SPA17: variants seen among roughly 807,000 people sequenced by gnomAD.
The protein encoded by SPA17 is sperm surface protein Sp17.
A neutral mutation model predicts 13.8 loss-of-function variants in SPA17; 7 were observed. The ratio of observed to expected loss-of-function variants is 0.51; its 90% CI spans 0.29 to 0.95. The LOEUF (loss-of-function observed/expected upper bound fraction) is 0.95. Among genes scored for constraint, SPA17 ranks in the 40% least tolerant of loss-of-function variants. The probability of loss-of-function intolerance (pLI) is 0.08; values close to 1 mark genes in which losing one functional copy is unlikely to be tolerated. For synonymous variants in SPA17, 61 were observed against 59.0 expected (o/e 1.03, Z -0.16); for missense variants, 170 against 179.3 (o/e 0.95, Z 0.30).
chr11:124,678,796 G>A (rs1028043663), intron 2 of SPA17, among the ~76,000 whole-genome samples: 1 of 151,964 alleles, frequency 6.6e-6, no homozygotes, highest in African/African-American at 2.4e-5. Flanking sequence ...TTGAACTCCT[G>A]AGCTCAAGCA....
chr11:124,683,943 GTAAC>G (rs1943552073), intron 3 of SPA17, among the ~76,000 whole-genome samples: 2 of 152,092 alleles, frequency 1.3e-5, no homozygotes, highest in African/African-American at 4.8e-5. Flanking sequence ...AATCAACAAA[GTAAC>G]TGATATCATT....
intron 1 of SPA17, chr11:124,675,028 G>A (rs367959907): frequency 2.0e-5 from 7 of 343,258 alleles, no homozygotes; most frequent in East Asian, 1.5e-4. Context: ...AAATGATTTG[G>A]CCTAGTGAAT....
chr11:124,694,489 A>G lies in SPA17; in HGVS notation c.*43A>G. ...CCAGGAAACATGAAAAATAATCCAAATCCATCAACCTTCTTATTAATGTCA... is the reference window on the plus strand; with the variant it reads ...CCAGGAAACATGAAAAATAATCCAAGTCCATCAACCTTCTTATTAATGTCA... On this transcript the variant is annotated 3_prime_UTR_variant, in exon 5 of 5. Transcript: ENST00000227135. 1 of 1,562,346 alleles carries G rather than the reference A, an allele frequency of 6.4e-7. No homozygotes were observed.
intron 3 of SPA17, among the ~76,000 whole-genome samples, chr11:124,682,099 T>C (rs1403381057): frequency 6.6e-6 from 1 of 152,144 alleles, no homozygotes; most frequent in East Asian, 1.9e-4. Context: ...AATTAAGCCC[T>C]AAACCAAAGG....
At chr11:124,684,014 G>C (rs559158970) in intron 3 of SPA17, among the ~76,000 whole-genome samples, 1 of 152,258 alleles carries the variant, frequency 6.6e-6, no homozygotes, top group South Asian at 2.1e-4. Flanking sequence ...ATCCCCACAT[G>C]TTGTGGGAGG....
chr11:124,676,076 C>T (rs1318230446), intron 2 of SPA17: 1 of 152,202 alleles, frequency 6.6e-6, no homozygotes. Flanking sequence ...AATTCCTTCA[C>T]TCCTATAAAT....
chr11:124,686,727 TA>T (rs111781758), intron 3 of SPA17, among the ~76,000 whole-genome samples: 30,649 of 151,774 alleles, frequency 0.2, 8,233 homozygotes, highest in African/African-American at 0.62. Flanking sequence ...GACAGAAATT[TA>T]AAAAAAACTG....
Position 124,695,561 on chromosome 11 carries a change from A to G in SPA17, c.*1115A>G, listed in dbSNP as rs1322942178. On this transcript the variant is annotated 3_prime_UTR_variant, in exon 5 of 5. Coordinates refer to ENST00000227135, the MANE Select transcript of SPA17 (RefSeq NM_017425.4). ...ACTGAGGGTTCATGTCTTAGACCAA[A>G]GGGTGCAGTTCTCTTCCCAATACAA... The G allele has an allele frequency of 6.6e-6, 1 of 152,216 alleles. No individual in the cohort carries two copies. The highest frequency in any genetic ancestry group is 1.5e-5 in the Non-Finnish European group (1 of 68,044). The allele number at this position is 152,216 out of a possible 1,614,324, so 9.4% of individuals were successfully genotyped here.
intron 3 of SPA17, among the ~76,000 whole-genome samples, chr11:124,689,706 G>A (rs1268734957): frequency 1.3e-5 from 2 of 151,684 alleles, no homozygotes; most frequent in African/African-American, 4.8e-5. Flanking sequence ...TGAGCCCACA[G>A]GTCAAGGCTG....
intron 4 of SPA17, among the ~76,000 whole-genome samples, chr11:124,692,538 C>G (rs1002862011): frequency 1.3e-5 from 2 of 152,060 alleles, no homozygotes; most frequent in Non-Finnish European, 2.9e-5. Flanking sequence ...CAAGATCACG[C>G]CACTGCACTC....
At chr11:124,674,516 C>T (rs1299483447) in intron 1 of SPA17, 1 of 152,322 alleles carries the variant, frequency 6.6e-6, no homozygotes, top group Non-Finnish European at 1.5e-5. Context: ...TCTTTTCATA[C>T]TCAGTAGTAG....
chr11:124,690,341 C>A (rs887576463), intron 3 of SPA17, among the ~76,000 whole-genome samples: 41 of 152,120 alleles, frequency 2.7e-4, no homozygotes, highest in African/African-American at 9.9e-4. Context: ...AGGCCATTAT[C>A]TTAAGTGAAA....
rs775824867 is a variant in SPA17, at chr11:124,675,360, G to C, written c.96G>C (p.Pro32=). Residue 32 remains proline, a synonymous_variant, in exon 2 of 5, where the codon CCG becomes CCC. Coordinates refer to ENST00000227135, the MANE Select transcript of SPA17 (RefSeq NM_017425.4). ...GLTREILREQ[P]DNIPAFAAAY... ...CACGCGAGATTCTGAGAGAGCAACC[G>C]GACAATATACCAGCTTTTGCAGCAG... 1 of 1,614,150 alleles carries C rather than the reference G, an allele frequency of 6.2e-7. No individual in the cohort carries two copies. The highest frequency in any genetic ancestry group is 8.5e-7 in the Non-Finnish European group (1 of 1,180,022).
At chr11:124,677,705 CA>C (rs1239247461) in intron 2 of SPA17, among the ~76,000 whole-genome samples, 2 of 152,030 alleles carry the variant, frequency 1.3e-5, no homozygotes, top group Non-Finnish European at 2.9e-5. Flanking sequence ...AACAAAACTA[CA>C]AAAGACAAAC....
chr11:124,687,648 T>C (rs910917318), intron 3 of SPA17, among the ~76,000 whole-genome samples: 7 of 152,118 alleles, frequency 4.6e-5, no homozygotes, highest in Non-Finnish European at 8.8e-5. Context: ...TGGTTCAACA[T>C]ATGCAAATCA....
chr11:124,682,096 C>T (rs1034110618), intron 3 of SPA17, among the ~76,000 whole-genome samples: 13 of 152,052 alleles, frequency 8.5e-5, no homozygotes, highest in African/African-American at 2.9e-4. Flanking sequence ...AAAAATTAAG[C>T]CCTAAACCAA....
chr11:124,689,769 G>A (rs1210969879), intron 3 of SPA17, among the ~76,000 whole-genome samples: 1 of 149,960 alleles, frequency 6.7e-6, no homozygotes, highest in African/African-American at 2.4e-5. Flanking sequence ...AAAAAAAAAA[G>A]AAAAAGAAAA....
intron 3 of SPA17, among the ~76,000 whole-genome samples, chr11:124,682,766 T>C (rs1263061700): frequency 6.6e-6 from 1 of 152,124 alleles, no homozygotes; most frequent in African/African-American, 2.4e-5. Context: ...TTTGAATTAT[T>C]GGTATCCGCA....
rs1943662947 is a variant in SPA17, at chr11:124,695,458, T to A, written c.*1012T>A. 1 of 152,212 alleles carries A rather than the reference T, an allele frequency of 6.6e-6. No individual in the cohort carries two copies. The highest frequency in any genetic ancestry group is 2.4e-5 in the African/African-American group (1 of 41,458). The allele number at this position is 152,212 out of a possible 1,614,324, so 9.4% of individuals were successfully genotyped here. ...TCTCTTTTATGTTTTCAATGATTCA[T>A]TCAAATCCCTAGTGCCTTAGTTTTA... On this transcript the variant is annotated 3_prime_UTR_variant, in exon 5 of 5. Coordinates refer to ENST00000227135, the MANE Select transcript of SPA17 (RefSeq NM_017425.4).
Sources: allele counts gnomAD v4.1 joint callset (sites outside exome capture counted in the v4.1 genomes callset), GRCh38; gene constraint gnomAD v4.1.1; transcripts MANE v1.5; gene names NCBI Gene and HGNC (gene_info 2026-07-23, HGNC 2026-07-21).